The following PXDNL variants were observed in gnomAD, a reference collection of about 807,000 sequenced individuals.
The protein encoded by PXDNL is probable oxidoreductase PXDNL.
A neutral mutation model predicts 150.8 loss-of-function variants in PXDNL; 145 were observed. That is an observed-to-expected ratio of 0.96 (90% CI 0.84 to 1.10). The LOEUF (loss-of-function observed/expected upper bound fraction) is 1.10. PXDNL is among the 50% of genes least tolerant of loss of function. The probability of loss-of-function intolerance (pLI) is 0.00; values close to 1 mark genes in which losing one functional copy is unlikely to be tolerated. For missense variants in PXDNL, 2,087 were observed against 1,873.9 expected (o/e 1.11, Z -2.10); for synonymous variants, 757 against 725.7 (o/e 1.04, Z -0.69).
rs757856525 is a variant in PXDNL at position 51,351,793 on chromosome 8, G to GC, written c.3902-5847dup. On this transcript the variant is annotated intron_variant, in intron 19 of 22. Coordinates refer to ENST00000356297, the MANE Select transcript of PXDNL (RefSeq NM_144651.5). Reference sequence around the variant, plus strand: ...CTTCCTCGTGGTTGTGTTACTGAAGGCCACCTGGAGGCCACCCACAGTTCC... The same window carrying GC: ...CTTCCTCGTGGTTGTGTTACTGAAGGCCCACCTGGAGGCCACCCACAGTTCC... 6.6e-5 allele frequency among the ~76,000 whole-genome samples: 10 copies of GC among 152,080 alleles called. No individual in the cohort carries two copies. The South Asian group carries it at 8.3e-4, about 13-fold the overall frequency.
intron 1 of PXDNL, among the ~76,000 whole-genome samples, chr8:51,764,304 C>G (rs2037201046): frequency 6.7e-6 from 1 of 149,122 alleles, no homozygotes; most frequent in Non-Finnish European, 1.5e-5. Context: ...GTCTCTACTT[C>G]ATTTATTTCA....
At chr8:51,468,027 G>A (rs1197253537) in intron 8 of PXDNL, among the ~76,000 whole-genome samples, 1 of 151,972 alleles carries the variant, frequency 6.6e-6, no homozygotes, top group African/African-American at 2.4e-5. Context: ...TGTAATAAAA[G>A]AAAGGGATTT....
At chr8:51,770,837 C>T (rs1386237108) in intron 1 of PXDNL, among the ~76,000 whole-genome samples, 6 of 152,116 alleles carry the variant, frequency 3.9e-5, no homozygotes, top group Non-Finnish European at 7.4e-5. Flanking sequence ...TGGATGGAGC[C>T]GCTTGGCAGG....
intron 2 of PXDNL, among the ~76,000 whole-genome samples, chr8:51,602,937 A>T (rs1049272664): frequency 6.6e-6 from 1 of 151,608 alleles, no homozygotes; most frequent in African/African-American, 2.4e-5. Context: ...CTAAGATTAC[A>T]TTAAAATCCC....
intron 17 of PXDNL, among the ~76,000 whole-genome samples, chr8:51,390,808 A>T (rs1315483507): frequency 1.3e-5 from 2 of 151,814 alleles, no homozygotes; most frequent in African/African-American, 2.4e-5. Context: ...GGTTAGTTAC[A>T]TATGTATACA....
At chr8:51,780,226 G>A (rs778791402) in intron 1 of PXDNL, among the ~76,000 whole-genome samples, 5 of 151,986 alleles carry the variant, frequency 3.3e-5, no homozygotes, top group African/African-American at 1.2e-4. Flanking sequence ...AAAAAGAAGT[G>A]CAGAGCCTCA....
intron 12 of PXDNL, among the ~76,000 whole-genome samples, chr8:51,429,126 T>C (rs1809187498): frequency 6.6e-6 from 1 of 152,064 alleles, no homozygotes; most frequent in Admixed American, 6.5e-5. Context: ...AAAACCACAA[T>C]GTGATATTAC....
chr8:51,614,354 T>C (rs560517771), intron 2 of PXDNL, among the ~76,000 whole-genome samples: 2 of 152,334 alleles, frequency 1.3e-5, no homozygotes, highest in South Asian at 4.1e-4. Flanking sequence ...TGTAACCTAC[T>C]CTTGTAACAC....
rs149939858 is a variant in PXDNL, at chr8:51,712,514, A to T, written c.165-57754T>A. Among the ~76,000 whole-genome samples the T allele has an allele frequency of 1.1e-3, 170 of 152,314 alleles. 1 individual carries two copies. The highest frequency in any genetic ancestry group is 3.8e-3 in the African/African-American group (160 of 41,564). Reference sequence around the variant, plus strand: ...GCAGTAGGTTTTCTCTGTTTAACTCACTCATATCCCAAGCACCTAGAATCA... The same window carrying T: ...GCAGTAGGTTTTCTCTGTTTAACTCTCTCATATCCCAAGCACCTAGAATCA... On this transcript the variant is annotated intron_variant, in intron 1 of 22. Coordinates refer to ENST00000356297, the MANE Select transcript of PXDNL (RefSeq NM_144651.5).
intron 5 of PXDNL, among the ~76,000 whole-genome samples, chr8:51,499,278 T>C (rs35784083): frequency 0.32 from 48,637 of 151,882 alleles, 8,669 homozygotes; most frequent in African/African-American, 0.47. Context: ...TACAGGAGTG[T>C]GCCACCAGGT....
intron 4 of PXDNL, among the ~76,000 whole-genome samples, chr8:51,518,376 A>C (rs1229242050): frequency 1.3e-5 from 2 of 152,212 alleles, no homozygotes; most frequent in Non-Finnish European, 2.9e-5. Context: ...CATCAAACCT[A>C]TGCACATTAA....
intron 1 of PXDNL, among the ~76,000 whole-genome samples, chr8:51,720,853 G>A (rs1161535578): frequency 4.6e-5 from 7 of 152,346 alleles, no homozygotes; most frequent in South Asian, 2.1e-4. Context: ...TGCCTAGGCC[G>A]GTGAAGGCAA....
chr8:51,653,928 C>A (rs1028935229), intron 2 of PXDNL, among the ~76,000 whole-genome samples: 3 of 152,166 alleles, frequency 2.0e-5, no homozygotes, highest in Non-Finnish European at 4.4e-5. Flanking sequence ...ATATATTGAA[C>A]CTCCAGTCAT....
Position 51,444,514 on chromosome 8 carries a change from A to G in PXDNL, c.1525+2490T>C, listed in dbSNP as rs373137258. Among the ~76,000 whole-genome samples, 8 of 152,336 alleles carry G rather than the reference A, an allele frequency of 5.3e-5. No individual in the cohort carries two copies. In the East Asian group the frequency reaches 1.2e-3, roughly 22 times the overall value. On this transcript the variant is annotated intron_variant, in intron 12 of 22. Transcript: ENST00000356297. ...TAAATAAAATAGTATCTGATTCTTC[A>G]TAGTAAAAAAATCACCTAATACCCG...
At chr8:51,323,408 T>A (rs146189591) in intron 21 of PXDNL, among the ~76,000 whole-genome samples, 60 of 152,216 alleles carry the variant, frequency 3.9e-4, no homozygotes, top group Middle Eastern at 3.4e-3. Context: ...GCCTCCCAGG[T>A]AGCTGGAACC....
chr8:51,342,758 T>C (rs749681423), intron 20 of PXDNL, among the ~76,000 whole-genome samples: 1 of 152,030 alleles, frequency 6.6e-6, no homozygotes, highest in Non-Finnish European at 1.5e-5. Flanking sequence ...TGCCTAGTAG[T>C]TCTATAAGAC....
chr8:51,452,937 C>CACATACACACACACACACACACACAA (rs1554541855), intron 10 of PXDNL, among the ~76,000 whole-genome samples: 6,418 of 149,776 alleles, frequency 0.043, 454 homozygotes, highest in African/African-American at 0.15. Flanking sequence ...CACACACAAA[C>CACATACACACACACACACACACACAA]ACACACACAC....
chr8:51,609,744 T>G (rs1813955935), intron 2 of PXDNL, among the ~76,000 whole-genome samples: 1 of 152,096 alleles, frequency 6.6e-6, no homozygotes, highest in Admixed American at 6.6e-5. Flanking sequence ...GCAGAAGAAA[T>G]TATTCTGGAG....
intron 1 of PXDNL, among the ~76,000 whole-genome samples, chr8:51,690,578 A>G (rs1195714197): frequency 6.6e-6 from 1 of 152,188 alleles, no homozygotes; most frequent in Non-Finnish European, 1.5e-5. Flanking sequence ...ATTGTTGGAC[A>G]TTTGGGTTGG....
Sources: gnomAD v4.1 joint callset for allele counts (sites outside exome capture counted in the v4.1 genomes callset) on GRCh38, gnomAD v4.1.1 for gene constraint, MANE v1.5 for transcripts, NCBI Gene and HGNC (gene_info 2026-07-23, HGNC 2026-07-21) for gene names.